ANO3: variants seen among roughly 807,000 people sequenced by gnomAD.
ANO3 encodes anoctamin-3.
A neutral mutation model predicts 144.8 loss-of-function variants in ANO3; 99 were observed. The observed-to-expected ratio is 0.68, with a 90% confidence interval of 0.58 to 0.81. The LOEUF is 0.81. ANO3 is among the 30% of genes least tolerant of loss of function. The pLI is 0.00. For missense variants in ANO3, 905 were observed against 1,202.2 expected (o/e 0.75, Z 3.66); for synonymous variants, 414 against 392.6 (o/e 1.05, Z -0.64).
intron 4 of ANO3, among the ~76,000 whole-genome samples, chr11:26,478,529 G>A (rs963985905): frequency 6.6e-6 from 1 of 152,032 alleles, no homozygotes; most frequent in South Asian, 2.1e-4. Flanking sequence ...ATACAGTAAT[G>A]GACAAATTTC....
chr11:26,302,776 G>A (rs1854266792), intron 1 of ANO3, among the ~76,000 whole-genome samples: 1 of 152,070 alleles, frequency 6.6e-6, no homozygotes, highest in African/African-American at 2.4e-5. Context: ...ACATATATAT[G>A]TGTTTAGAAA....
chr11:26,574,754 A>G (rs1850943668), intron 14 of ANO3, among the ~76,000 whole-genome samples: 1 of 152,116 alleles, frequency 6.6e-6, no homozygotes, highest in Non-Finnish European at 1.5e-5. Context: ...TTCTCTGGTA[A>G]GTAATATGGT....
At chr11:26,611,584 G>A (rs1203844433) in intron 17 of ANO3, among the ~76,000 whole-genome samples, 1 of 152,158 alleles carries the variant, frequency 6.6e-6, no homozygotes, top group Non-Finnish European at 1.5e-5. Flanking sequence ...TTACTCTGCA[G>A]CTGTTGGATG....
intron 18 of ANO3, among the ~76,000 whole-genome samples, chr11:26,625,029 A>G (rs1852536285): frequency 6.6e-6 from 1 of 150,952 alleles, no homozygotes; most frequent in Non-Finnish European, 1.5e-5. Context: ...GGTTCACGCC[A>G]TTCTCCGGCC....
At position 26,531,290 on chromosome 11, in the gene ANO3, G is replaced by A; in HGVS notation, c.823G>A (p.Glu275Lys). 6.2e-7 allele frequency: 1 copy of A among 1,613,898 alleles called. No individual in the cohort carries two copies. Among genetic ancestry groups the A allele is most frequent in the African/African-American group, 1.3e-5 (1 of 74,970 alleles). The change falls in exon 8 of 27, where the codon GAG becomes AAG. Residue 275 changes from glutamate to lysine, a missense_variant. This residue lies in a region of ANO3 where 71 missense variants were observed against 57.9 expected (regional missense o/e 1.23). Transcript: ENST00000256737. ...LDKSAFPDLE[E>K]SDCYTGPFSR... The stretch of plus-strand genomic sequence containing the variant: ...CAAGTCAGCTTTTCCAGACCTAGAG[G>A]AGTCAGACTGCTATACTGGCCCCTT...
At position 26,249,176 on chromosome 11, in the gene ANO3, G is replaced by A. The variant is rs61877707; in HGVS notation, c.154+59846G>A. Among the ~76,000 whole-genome samples the A allele has an allele frequency of 5.0e-3, 756 of 152,236 alleles. 5 individuals carry two copies. The highest frequency in any genetic ancestry group is 8.8e-3 in the Non-Finnish European group (601 of 68,022). On this transcript the variant is annotated intron_variant, in intron 1 of 27. Coordinates refer to the ANO3 transcript ENST00000672621. ...TGGAGACTGATTGCCTGGCTTTGCC[G>A]TTGGGGTATATGGATATTGATTGCC...
chr11:26,439,523 G>A (rs373469240), intron 1 of ANO3, among the ~76,000 whole-genome samples: 2 of 152,192 alleles, frequency 1.3e-5, no homozygotes, highest in Non-Finnish European at 2.9e-5. Context: ...AATAATAAAA[G>A]CGTTTTAAAG....
chr11:26,365,952 C>G (rs996618981), intron 1 of ANO3, among the ~76,000 whole-genome samples: 1 of 126,328 alleles, frequency 7.9e-6, no homozygotes, highest in Non-Finnish European at 1.6e-5. Flanking sequence ...ACCATTTTTT[C>G]TTTATATATA....
intron 1 of ANO3, among the ~76,000 whole-genome samples, chr11:26,215,960 C>G (rs1590198091): frequency 6.6e-6 from 1 of 152,028 alleles, no homozygotes; most frequent in Middle Eastern, 3.4e-3. Flanking sequence ...ACTTCATCAA[C>G]CAGGGTACGA....
intron 14 of ANO3, among the ~76,000 whole-genome samples, chr11:26,590,834 G>A (rs1432980728): frequency 6.6e-6 from 1 of 152,126 alleles, no homozygotes; most frequent in South Asian, 2.1e-4. Context: ...GACGGCAAGC[G>A]AAAGCTCAGC....
At chr11:26,596,839 G>C (rs1269868721) in intron 14 of ANO3, among the ~76,000 whole-genome samples, 1 of 152,284 alleles carries the variant, frequency 6.6e-6, no homozygotes, top group Non-Finnish European at 1.5e-5. Context: ...GATCTCCACC[G>C]GCCAATGCCA....
intron 7 of ANO3, among the ~76,000 whole-genome samples, chr11:26,530,930 T>C (rs180683111): frequency 6.6e-6 from 1 of 152,192 alleles, no homozygotes; most frequent in Admixed American, 6.5e-5. Context: ...TCTTTATGTA[T>C]CCTGTTTCTG....
chr11:26,559,869 C>G, intron 14 of ANO3, 90 bp downstream of exon 14: 26 of 813,358 alleles, frequency 3.2e-5, no homozygotes, highest in Non-Finnish European at 4.7e-5. Flanking sequence ...CACACACACA[C>G]ACACACCATG....
intron 3 of ANO3, among the ~76,000 whole-genome samples, chr11:26,452,060 A>T (rs1166950981): frequency 2.0e-5 from 3 of 152,208 alleles, no homozygotes; most frequent in Non-Finnish European, 4.4e-5. Flanking sequence ...CAAAAAGGAC[A>T]TCCACACCAA....
chr11:26,239,220 T>C (rs1590210617), intron 1 of ANO3, among the ~76,000 whole-genome samples: 1 of 152,024 alleles, frequency 6.6e-6, no homozygotes, highest in Non-Finnish European at 1.5e-5. Context: ...AGAAAAATAA[T>C]ACTCCAAAAA....
At chr11:26,318,364 A>G (rs1854677574) in intron 1 of ANO3, among the ~76,000 whole-genome samples, 1 of 152,176 alleles carries the variant, frequency 6.6e-6, no homozygotes, top group African/African-American at 2.4e-5. Context: ...ACAGAATGCA[A>G]TTTTAACTAA....
intron 14 of ANO3, among the ~76,000 whole-genome samples, chr11:26,582,486 G>A (rs1487325812): frequency 3.9e-5 from 6 of 152,150 alleles, no homozygotes; most frequent in African/African-American, 1.4e-4. Flanking sequence ...AGTTTCCTGG[G>A]AAGGATAGGC....
intron 15 of ANO3, 126 bp downstream of exon 15, chr11:26,598,573 A>G: frequency 1.5e-6 from 1 of 663,964 alleles, no homozygotes; most frequent in South Asian, 2.6e-5. Flanking sequence ...CTTTCCTACT[A>G]AAAAGATTTA....
At position 26,443,954 on chromosome 11, in the gene ANO3, T is replaced by C. The variant is rs180917713; in HGVS notation, c.313+118T>C. The C allele has an allele frequency of 3.2e-5, 18 of 568,078 alleles. No homozygotes were observed. In the Admixed American group the frequency reaches 4.2e-4, roughly 13 times the overall value. 35.2% of individuals were successfully genotyped at this position (568,078 alleles called of 1,614,324 possible). On this transcript the variant is annotated intron_variant, in intron 3 of 26. Coordinates refer to ENST00000256737, the MANE Select transcript of ANO3 (RefSeq NM_031418.4). ...AAAAGTTCATGTTTGGTTTTTAACGTAATAGGTGAGTATAATATTCTGAGG... is the reference window on the plus strand; with the variant it reads ...AAAAGTTCATGTTTGGTTTTTAACGCAATAGGTGAGTATAATATTCTGAGG...
Sources: allele counts gnomAD v4.1 joint callset (sites outside exome capture counted in the v4.1 genomes callset), GRCh38; gene constraint gnomAD v4.1.1; regional missense constraint gnomAD v4.1.1; transcripts MANE v1.5; gene names NCBI Gene and HGNC (gene_info 2026-07-23, HGNC 2026-07-21).